Variants in GRIA4 observed in about 807,000 individuals in gnomAD.
The protein encoded by GRIA4 is glutamate receptor 4.
Under a neutral mutation model 104.0 loss-of-function variants are expected in GRIA4, and 34 were observed. The observed-to-expected ratio is 0.33, with a 90% CI of 0.25 to 0.44. The LOEUF is 0.44. Among genes scored for constraint, GRIA4 ranks in the 20% least tolerant of loss-of-function variants. The probability of loss-of-function intolerance (pLI) is 1.00; values close to 1 mark genes in which losing one functional copy is unlikely to be tolerated. For missense variants in GRIA4, 750 were observed against 1,096.5 expected (o/e 0.68, Z 4.46); for synonymous variants, 386 against 381.9 (o/e 1.01, Z -0.13).
At chr11:105,626,418 G>A (rs1950888641) in intron 3 of GRIA4, among the ~76,000 whole-genome samples, 1 of 152,006 alleles carries the variant, frequency 6.6e-6, no homozygotes, top group African/African-American at 2.4e-5. Flanking sequence ...ATCAAATTGA[G>A]ATACACAATT....
intron 5 of GRIA4, among the ~76,000 whole-genome samples, chr11:105,865,494 T>C (rs1209555760): frequency 6.6e-6 from 1 of 152,204 alleles, no homozygotes; most frequent in Admixed American, 6.6e-5. Context: ...ATATTATAAA[T>C]ATCATTGTGG....
intron 3 of GRIA4, among the ~76,000 whole-genome samples, chr11:105,724,390 C>A (rs918204336): frequency 2.4e-5 from 2 of 82,432 alleles, no homozygotes; most frequent in African/African-American, 1.0e-4. Context: ...CACACACACA[C>A]ACACACATAT....
At chr11:105,616,202 T>C (rs530861213) in intron 3 of GRIA4, among the ~76,000 whole-genome samples, 2 of 151,876 alleles carry the variant, frequency 1.3e-5, no homozygotes, top group African/African-American at 4.8e-5. Flanking sequence ...GATTTTTTTA[T>C]CTTGTTCTCT....
intron 3 of GRIA4, among the ~76,000 whole-genome samples, chr11:105,646,639 A>G (rs1350414855): frequency 6.6e-6 from 1 of 152,232 alleles, no homozygotes; most frequent in African/African-American, 2.4e-5. Flanking sequence ...ATAAGACTGC[A>G]CACCTACAAT....
At chr11:105,807,888 G>T (rs1943016522) in intron 4 of GRIA4, among the ~76,000 whole-genome samples, 1 of 151,650 alleles carries the variant, frequency 6.6e-6, no homozygotes, top group East Asian at 1.9e-4. Flanking sequence ...ACTTCTCATA[G>T]TTACCTTCTG....
chr11:105,948,930 A>G (rs1023693585), intron 14 of GRIA4, among the ~76,000 whole-genome samples: 8 of 152,168 alleles, frequency 5.3e-5, no homozygotes, highest in African/African-American at 1.9e-4. Flanking sequence ...TTTCTTGGCT[A>G]AACTTGAATA....
chr11:105,631,539 T>C (rs1951036115), intron 3 of GRIA4, among the ~76,000 whole-genome samples: 2 of 152,232 alleles, frequency 1.3e-5, no homozygotes, highest in African/African-American at 2.4e-5. Flanking sequence ...ATCACTTCTA[T>C]ATTCTATATT....
chr11:105,879,747 G>A (rs1367817484), intron 5 of GRIA4, among the ~76,000 whole-genome samples: 3 of 152,126 alleles, frequency 2.0e-5, no homozygotes, highest in South Asian at 2.1e-4. Flanking sequence ...TTCATTATGA[G>A]AAAGCTTGGA....
rs12575823 is a variant in GRIA4, at chr11:105,671,291, A to C, written c.247+58857A>C. ...AATAGATGAAGAAATAGCTTGAGGA[A>C]AAAGGAAGAGTTCAAAGCACTGTAT... On this transcript the variant is annotated intron_variant, in intron 3 of 16. Transcript: ENST00000282499. 3.3e-5 allele frequency among the ~76,000 whole-genome samples: 5 copies of C among 152,244 alleles called. No individual in the cohort carries two copies. In the East Asian group the frequency reaches 9.7e-4, roughly 29 times the overall value.
intron 3 of GRIA4, among the ~76,000 whole-genome samples, chr11:105,651,065 T>C (rs1412525144): frequency 6.6e-6 from 1 of 152,140 alleles, no homozygotes; most frequent in African/African-American, 2.4e-5. Flanking sequence ...TTCAGGGAGA[T>C]CAGTATCTCA....
intron 3 of GRIA4, among the ~76,000 whole-genome samples, chr11:105,699,142 C>T (rs948418230): frequency 1.3e-5 from 2 of 152,122 alleles, no homozygotes; most frequent in African/African-American, 4.8e-5. Context: ...AAATGCTGGG[C>T]ATTTATTTTC....
intron 3 of GRIA4, among the ~76,000 whole-genome samples, chr11:105,736,805 T>C: frequency 6.6e-6 from 1 of 152,120 alleles, no homozygotes; most frequent in Admixed American, 6.6e-5. Context: ...TACTTTAGTA[T>C]AAAAGCAAAG....
At chr11:105,818,742 C>G (rs1441040797) in intron 4 of GRIA4, among the ~76,000 whole-genome samples, 17 of 152,106 alleles carry the variant, frequency 1.1e-4, no homozygotes, top group Admixed American at 1.1e-3. Context: ...AGGAATAGGA[C>G]AGAAAAGGCA....
chr11:105,898,461 T>G (rs772990741), intron 7 of GRIA4, 34 bp downstream of exon 7: 1 of 1,255,002 alleles, frequency 8.0e-7, no homozygotes, highest in Non-Finnish European at 1.1e-6. Flanking sequence ...GTATTACTGA[T>G]AGTTTCAAAA....
chr11:105,626,300 A>T lies in GRIA4; in HGVS notation c.247+13866A>T, dbSNP rs187364400. ...ACACACACATACACCCTGCATTCAG[A>T]TTGAAAAGAAATGACAAAAGATATA... On this transcript the variant is annotated intron_variant, in intron 3 of 16. Transcript: ENST00000282499. Among the ~76,000 whole-genome samples the T allele has an allele frequency of 2.4e-3, 366 of 152,148 alleles. 1 individual carries two copies. The highest frequency in any genetic ancestry group is 7.4e-3 in the African/African-American group (307 of 41,550).
At chr11:105,760,874 G>A (rs1217373301) in intron 4 of GRIA4, among the ~76,000 whole-genome samples, 2 of 151,662 alleles carry the variant, frequency 1.3e-5, no homozygotes, top group South Asian at 2.1e-4. Context: ...TCGAGTACAT[G>A]GTCAATTTTA....
intron 3 of GRIA4, among the ~76,000 whole-genome samples, chr11:105,618,663 GGGCTGTGCAA>G (rs1950662044): frequency 6.6e-6 from 1 of 151,890 alleles, no homozygotes; most frequent in Non-Finnish European, 1.5e-5. Context: ...CATCCAAAGG[GGGCTGTGCAA>G]TAGAGATTTG....
At chr11:105,907,318 T>C (rs967917750) in intron 9 of GRIA4, among the ~76,000 whole-genome samples, 7 of 152,176 alleles carry the variant, frequency 4.6e-5, no homozygotes, top group African/African-American at 1.7e-4. Context: ...TAGACTCATC[T>C]ATCTTCTTTT....
intron 3 of GRIA4, among the ~76,000 whole-genome samples, chr11:105,625,713 C>T (rs77051968): frequency 2.6e-4 from 39 of 152,108 alleles, no homozygotes; most frequent in East Asian, 1.4e-3. Flanking sequence ...AGGCATTGTA[C>T]GTATAAAGAG....
Sources: allele counts gnomAD v4.1 joint callset (sites outside exome capture counted in the v4.1 genomes callset), GRCh38; gene constraint gnomAD v4.1.1; transcripts MANE v1.5; gene names NCBI Gene and HGNC (gene_info 2026-07-23, HGNC 2026-07-21).